Variants in MATN4 observed in about 807,000 individuals in gnomAD.
MATN4 encodes the protein matrilin 4.
MATN4 carries 40 observed loss-of-function variants against 54.6 expected under a neutral mutation model. That is an observed-to-expected ratio of 0.73 (90% CI 0.57 to 0.95). The LOEUF (loss-of-function observed/expected upper bound fraction) is 0.95, where lower values mean the gene tolerates loss of function less well. Ranked by LOEUF, MATN4 falls within the 40% of genes least tolerant of loss-of-function variation. MATN4 has a pLI of 0.00. For missense variants in MATN4, 810 were observed against 819.1 expected, an observed-to-expected ratio of 0.99 and a Z score of 0.13; for synonymous variants, 351 against 345.3, an observed-to-expected ratio of 1.02 and a Z score of -0.18.
chr20:45,307,126 TG>T (rs1366271933), intron 1 of MATN4, among the ~76,000 whole-genome samples: 1 of 149,910 alleles, frequency 6.7e-6, no homozygotes, highest in Non-Finnish European at 1.5e-5. Flanking sequence ...TGAGGCCCCC[TG>T]GCGCCTAGAA....
intron 8 of MATN4, among the ~76,000 whole-genome samples, chr20:45,294,635 C>T (rs183189793): frequency 2.6e-5 from 4 of 152,322 alleles, no homozygotes; most frequent in Non-Finnish European, 5.9e-5. Flanking sequence ...GTACTGCCTA[C>T]CTTTTTGAAA....
Position 45,304,432 on chromosome 20 carries a change from CT to C in MATN4, c.438del (p.Asp147ThrfsTer43), listed in dbSNP as rs1363511304. 6.5e-7 allele frequency: 1 copy of C among 1,537,782 alleles called. No individual in the cohort carries two copies. On this transcript the variant is annotated frameshift_variant, in exon 3 of 10. Transcript: ENST00000372756. LOFTEE classifies it high-confidence loss of function. ...GCCACGCGGTCCTGGGGCCGCCCGT[CT>C]GTCACGATGACAGCGACACGCGGCA... is the stretch of plus-strand genomic sequence containing the variant. ...ERVPRVAVIV[T>X]DGRPQDRVAE...
intron 8 of MATN4, among the ~76,000 whole-genome samples, chr20:45,296,777 A>G (rs766953738): frequency 2.6e-5 from 4 of 152,082 alleles, no homozygotes; most frequent in African/African-American, 7.2e-5. Flanking sequence ...CTGTATGTGT[A>G]TATTTGTATG....
At chr20:45,294,835 C>T (rs919078751) in intron 8 of MATN4, among the ~76,000 whole-genome samples, 5 of 152,190 alleles carry the variant, frequency 3.3e-5, no homozygotes, top group African/African-American at 1.2e-4. Context: ...TTTATAGCTG[C>T]TCCTCATTGC....
chr20:45,298,137 A>T lies in MATN4; in HGVS notation c.1426+33T>A. 6.2e-7 allele frequency: 1 copy of T among 1,600,208 alleles called. No homozygotes were observed. Among genetic ancestry groups the T allele is most frequent in the African/African-American group, 1.3e-5 (1 of 74,768 alleles). ...AAGCTGCCTCCCAGCGTCTGACCCA[A>T]CCCCAGCCCACTGTGTCCCATGCCA... On this transcript the variant is annotated intron_variant, in intron 7 of 9. Coordinates refer to ENST00000372756, the MANE Select transcript of MATN4 (RefSeq NM_001393530.1). This position sits in a 1 kb window ranked among gnomAD's most constrained non-coding sequence, Gnocchi z 4.6.
intron 3 of MATN4, among the ~76,000 whole-genome samples, chr20:45,302,612 G>A (rs1170673139): frequency 1.3e-5 from 2 of 151,764 alleles, no homozygotes; most frequent in African/African-American, 4.8e-5. Context: ...CTCTTAAAAA[G>A]AGAGAGTCTT....
rs1489473659 is a variant in MATN4 at position 45,293,505 on chromosome 20, A to C, written c.*262T>G. The C allele has an allele frequency of 1.1e-5, 5 of 443,690 alleles. No individual in the cohort carries two copies. Among genetic ancestry groups the C allele is most frequent in the Non-Finnish European group, 1.6e-5 (4 of 253,290 alleles). The allele number at this position is 443,690 out of a possible 1,614,324, so 27.5% of individuals were successfully genotyped here. On this transcript the variant is annotated 3_prime_UTR_variant, in exon 10 of 10. Coordinates refer to ENST00000372756, the MANE Select transcript of MATN4 (RefSeq NM_001393530.1). The stretch of plus-strand genomic sequence containing the variant: ...ACACAAACAAGAAATCCAACAAAGA[A>C]CTGAGCGCAGCACGCGGCGAGGGCG...
intron 3 of MATN4, chr20:45,303,656 C>T: frequency 1.7e-6 from 1 of 593,774 alleles, no homozygotes; most frequent in Non-Finnish European, 3.1e-6. Flanking sequence ...AAGGGCCGTA[C>T]CAAGTGAGAG....
intron 3 of MATN4, among the ~76,000 whole-genome samples, chr20:45,303,236 C>T (rs1986357198): frequency 6.6e-6 from 1 of 152,174 alleles, no homozygotes; most frequent in Admixed American, 6.5e-5. Flanking sequence ...TATGTGACCC[C>T]AGGCAATACC....
intron 4 of MATN4, 31 bp from the exon 5 acceptor site, chr20:45,301,255 G>T: frequency 1.9e-6 from 3 of 1,613,588 alleles, no homozygotes; most frequent in Non-Finnish European, 2.5e-6. Context: ...GCAAGATGTT[G>T]CCTCTGATTG....
Position 45,304,413 on chromosome 20 carries a change from C to T in MATN4, c.458G>A (p.Arg153His). The T allele has an allele frequency of 6.6e-7, 1 of 1,508,210 alleles. No homozygotes were observed. Among genetic ancestry groups the T allele is most frequent in the Non-Finnish European group, 8.9e-7 (1 of 1,128,370 alleles). 93.4% of individuals were successfully genotyped at this position (1,508,210 alleles called of 1,614,324 possible). A position where few individuals can be genotyped will look rare whatever the true frequency, so the allele number is the denominator to read the frequency against. ...CGCCTGTGCCGCCACCTCGGCCACG[C>T]GGTCCTGGGGCCGCCCGTCTGTCAC... is the stretch of plus-strand genomic sequence containing the variant. ...VIVTDGRPQDRVAEVAAQARA... is the reference protein window; with the variant it reads ...VIVTDGRPQDHVAEVAAQARA... The change falls in exon 3 of 10, where the codon CGC (arginine) becomes CAC (histidine). Residue 153 changes from arginine (R) to histidine (H), a missense_variant. By Grantham distance (29) the Arg-to-His change is conservative (BLOSUM62 0). Transcript: ENST00000372756.
chr20:45,298,278 G>A lies in MATN4; in HGVS notation c.1318C>T (p.Gln440Ter). ...TTAAGGGCACGGGGCCGTGCACCCT[G>A]CGCCTCGGAGAAGCTGTGCTCCACC... ...HMVEHSFSEAQGARPRALNVP... is the reference protein window; with the variant it reads ...HMVEHSFSEA Residue 440 changes from glutamine to a stop codon, truncating the protein, a stop_gained, in exon 7 of 10, where the codon CAG (glutamine) becomes TAG (stop). Transcript: ENST00000372756. LOFTEE classifies it high-confidence loss of function. This position sits in a 1 kb window ranked among gnomAD's most constrained non-coding sequence, Gnocchi z 4.6. The A allele has an allele frequency of 1.2e-6, 2 of 1,613,470 alleles. No individual in the cohort carries two copies. Among genetic ancestry groups the A allele is most frequent in the African/African-American group, 1.3e-5 (1 of 75,042 alleles).
At chr20:45,305,112 G>A (rs934558070) in intron 2 of MATN4, among the ~76,000 whole-genome samples, 1 of 152,174 alleles carries the variant, frequency 6.6e-6, no homozygotes, top group Non-Finnish European at 1.5e-5. Flanking sequence ...GGGTTAGGAC[G>A]CTGGAGACCC....
At chr20:45,308,494 A>G (rs556028974), upstream of MATN4, 5 of 533,424 alleles carry the variant, frequency 9.4e-6, no homozygotes, top group African/African-American at 1.9e-5. Flanking sequence ...GAATTCAGCT[A>G]CAGCGGGAGA....
intron 3 of MATN4, 98 bp from the exon 4 acceptor site, chr20:45,301,541 G>T: frequency 7.7e-7 from 1 of 1,297,274 alleles, no homozygotes; most frequent in Non-Finnish European, 1.0e-6. Context: ...CTACGCCTGG[G>T]CCCCAACCCC....
At chr20:45,305,677 T>C (rs917260312) in intron 1 of MATN4, 61 bp from the exon 2 acceptor site, 2 of 796,348 alleles carry the variant, frequency 2.5e-6, no homozygotes, top group African/African-American at 3.5e-5. Context: ...TTCTGGGTGA[T>C]AGGCACTTGG....
chr20:45,300,277 C>T (rs1443816775), intron 6 of MATN4, among the ~76,000 whole-genome samples: 2 of 152,002 alleles, frequency 1.3e-5, no homozygotes, highest in East Asian at 3.9e-4. Flanking sequence ...CTGACACATC[C>T]GGGGAGGGGC....
intron 6 of MATN4, among the ~76,000 whole-genome samples, chr20:45,299,970 TGTGTGTAGGG>T (rs980229226): frequency 3.2e-4 from 23 of 72,484 alleles, no homozygotes; most frequent in African/African-American, 1.2e-3. Context: ...TGTGGGTGTG[TGTGTGTAGGG>T]GTGTGTGTGT....
intron 8 of MATN4, among the ~76,000 whole-genome samples, chr20:45,294,593 G>A (rs1194289912): frequency 6.6e-6 from 1 of 152,224 alleles, no homozygotes; most frequent in African/African-American, 2.4e-5. Flanking sequence ...GGACTAAAAT[G>A]TATTTTATTT....
Sources: gnomAD v4.1 joint callset for allele counts (sites outside exome capture counted in the v4.1 genomes callset) on GRCh38, gnomAD v4.1.1 for gene constraint, Gnocchi (gnomAD v3.1) non-coding constraint, MANE v1.5 for transcripts, NCBI Gene and HGNC (gene_info 2026-07-23, HGNC 2026-07-21) for gene names.